The following LTBP1 variants were observed in gnomAD, a reference collection of about 807,000 sequenced individuals.
LTBP1 encodes latent-transforming growth factor beta-binding protein 1.
Under a neutral mutation model 207.6 loss-of-function variants are expected in LTBP1, and 129 were observed. The observed-to-expected ratio is 0.62, with a 90% CI of 0.54 to 0.72. The LOEUF is 0.72. Ranked by LOEUF, LTBP1 falls within the 30% of genes least tolerant of loss-of-function variation. The pLI, the probability that LTBP1 is intolerant of heterozygous loss-of-function variation, is 0.00. For synonymous variants in LTBP1, 963 were observed against 833.7 expected, an observed-to-expected ratio of 1.16 and a Z score of -2.67; for missense variants, 2,281 against 2,217.2, an observed-to-expected ratio of 1.03 and a Z score of -0.58.
chr2:33,089,150 A>G (rs2078929427), intron 3 of LTBP1, among the ~76,000 whole-genome samples: 1 of 86,144 alleles, frequency 1.2e-5, no homozygotes, highest in Non-Finnish European at 2.7e-5. Flanking sequence ...AGTAAGACTC[A>G]GTCTCAAAAA....
At chr2:33,087,206 C>G (rs989280707) in intron 3 of LTBP1, among the ~76,000 whole-genome samples, 2 of 148,462 alleles carry the variant, frequency 1.3e-5, no homozygotes, top group African/African-American at 2.5e-5. Context: ...TCACGAGTAT[C>G]TGGGACTACA....
chr2:33,144,493 T>C (rs1370954455), intron 5 of LTBP1, among the ~76,000 whole-genome samples: 2 of 152,172 alleles, frequency 1.3e-5, no homozygotes, highest in Non-Finnish European at 2.9e-5. Context: ...TTAAACAGTG[T>C]AATACATTTT....
At chr2:33,234,659 A>G (rs2091955077) in intron 9 of LTBP1, among the ~76,000 whole-genome samples, 1 of 152,230 alleles carries the variant, frequency 6.6e-6, no homozygotes, top group African/African-American at 2.4e-5. Context: ...AAAGTAATTT[A>G]TAGATTCAAT....
At chr2:33,324,037 G>A (rs190779324) in intron 24 of LTBP1, among the ~76,000 whole-genome samples, 1 of 151,932 alleles carries the variant, frequency 6.6e-6, no homozygotes, top group Non-Finnish European at 1.5e-5. Flanking sequence ...GATGTGTGTT[G>A]GCAAGTATCC....
chr2:33,214,108 A>T (rs966837369), intron 7 of LTBP1, among the ~76,000 whole-genome samples: 1 of 152,240 alleles, frequency 6.6e-6, no homozygotes, highest in Non-Finnish European at 1.5e-5. Flanking sequence ...AGATGAACCT[A>T]AAGAGTCCAG....
At chr2:33,329,230 T>A (rs761295213) in intron 24 of LTBP1, among the ~76,000 whole-genome samples, 9 of 152,274 alleles carry the variant, frequency 5.9e-5, no homozygotes, top group Non-Finnish European at 1.0e-4. Context: ...CTCATTATGG[T>A]CTCAATTTGT....
intron 4 of LTBP1, among the ~76,000 whole-genome samples, chr2:33,121,986 G>T (rs1325609843): frequency 1.3e-5 from 2 of 151,982 alleles, no homozygotes; most frequent in Non-Finnish European, 2.9e-5. Flanking sequence ...ATGGTAAATC[G>T]TATAATATAT....
intron 19 of LTBP1, among the ~76,000 whole-genome samples, chr2:33,290,936 G>T (rs539135430): frequency 1.3e-5 from 2 of 152,208 alleles, no homozygotes; most frequent in African/African-American, 2.4e-5. Context: ...TACACCATTT[G>T]CATCCACCAA....
At chr2:33,009,868 A>T (rs545503970) in intron 2 of LTBP1, among the ~76,000 whole-genome samples, 1 of 152,204 alleles carries the variant, frequency 6.6e-6, no homozygotes, top group Non-Finnish European at 1.5e-5. Flanking sequence ...AGATACCCAC[A>T]TGGAGGCATC....
chr2:32,994,557 C>T (rs576259829), intron 2 of LTBP1, among the ~76,000 whole-genome samples: 12 of 151,986 alleles, frequency 7.9e-5, no homozygotes, highest in Admixed American at 5.9e-4. Context: ...ACCTCTGCCT[C>T]TCAGGTTCAA....
At chr2:33,263,824 G>T (rs537525810) in intron 15 of LTBP1, among the ~76,000 whole-genome samples, 1 of 151,840 alleles carries the variant, frequency 6.6e-6, no homozygotes, top group Non-Finnish European at 1.5e-5. Flanking sequence ...GTGGTGGTGC[G>T]CACCTGTAGT....
chr2:33,283,673 T>C (rs1456094194), intron 19 of LTBP1, among the ~76,000 whole-genome samples: 2 of 152,112 alleles, frequency 1.3e-5, no homozygotes, highest in East Asian at 3.9e-4. Context: ...CCTGACCTCG[T>C]GATCCACCCG....
chr2:33,074,343 T>A (rs961633157), intron 3 of LTBP1, among the ~76,000 whole-genome samples: 1 of 152,202 alleles, frequency 6.6e-6, no homozygotes, highest in African/African-American at 2.4e-5. Context: ...ATGGCCTTTT[T>A]CACTTCTTCC....
At chr2:33,359,391 T>C (rs1300405107) in intron 26 of LTBP1, among the ~76,000 whole-genome samples, 2 of 152,228 alleles carry the variant, frequency 1.3e-5, no homozygotes, top group African/African-American at 4.8e-5. Context: ...CATTGTCAAC[T>C]AGGCCCTGCA....
chr2:33,120,589 T>C (rs1459262169), intron 4 of LTBP1, among the ~76,000 whole-genome samples: 1 of 152,268 alleles, frequency 6.6e-6, no homozygotes, highest in Non-Finnish European at 1.5e-5. Context: ...CAGTCTGTTA[T>C]TGATGAGCAT....
At position 33,389,284 on chromosome 2, in the gene LTBP1, C is replaced by G; in HGVS notation, c.4812C>G (p.Ala1604=). The G allele has an allele frequency of 6.2e-7, 1 of 1,614,134 alleles. No homozygotes were observed. Among genetic ancestry groups the G allele is most frequent in the Non-Finnish European group, 8.5e-7 (1 of 1,180,016 alleles). ...VDFSEQYTPE[A]DPYFIQDRFL... ...TCAGTGAACAGTATACTCCAGAAGC[C>G]GATCCCTACTTCATCCAAGACCGTA... is the stretch of plus-strand genomic sequence containing the variant. The change falls in exon 32 of 34, where the codon GCC becomes GCG. Residue 1604 remains alanine, a synonymous_variant. Coordinates refer to ENST00000404816, the MANE Select transcript of LTBP1 (RefSeq NM_206943.4).
At chr2:32,982,395 G>C (rs1319230011) in intron 2 of LTBP1, among the ~76,000 whole-genome samples, 1 of 152,192 alleles carries the variant, frequency 6.6e-6, no homozygotes, top group Non-Finnish European at 1.5e-5. Context: ...TGATGATGAA[G>C]TAGAAAAGAA....
At chr2:33,054,950 C>T (rs1168230446) in intron 3 of LTBP1, among the ~76,000 whole-genome samples, 1 of 152,172 alleles carries the variant, frequency 6.6e-6, no homozygotes, top group Admixed American at 6.5e-5. Context: ...AGCTTTTTCT[C>T]ACTGGACAGT....
At chr2:33,160,823 G>A (rs759156168) in intron 5 of LTBP1, among the ~76,000 whole-genome samples, 18 of 152,078 alleles carry the variant, frequency 1.2e-4, no homozygotes, top group Non-Finnish European at 1.5e-4. Context: ...CTGAGAATTC[G>A]GAGATGACAT....
Sources: allele counts gnomAD v4.1 joint callset (sites outside exome capture counted in the v4.1 genomes callset), GRCh38; gene constraint gnomAD v4.1.1; transcripts MANE v1.5; gene names NCBI Gene and HGNC (gene_info 2026-07-23, HGNC 2026-07-21).